PAK3: variants seen among roughly 807,000 people sequenced by gnomAD.
PAK3 encodes the protein p21 (RAC1) activated kinase 3.
A neutral mutation model predicts 41.0 loss-of-function variants in PAK3; 4 were observed. The observed-to-expected ratio is 0.10, with a 90% CI of 0.05 to 0.22. The LOEUF is 0.22. Ranked by LOEUF, PAK3 falls within the 10% of genes least tolerant of loss-of-function variation. The pLI is 1.00. For missense variants in PAK3, 205 were observed against 409.9 expected (o/e 0.50, Z 4.32); for synonymous variants, 146 against 139.6 (o/e 1.05, Z -0.32).
At chrX:111,090,016 A>G (rs2092917846) in intron 1 of PAK3, among the ~76,000 whole-genome samples, 1 of 110,586 alleles carries the variant, frequency 9.0e-6, no homozygotes, top group African/African-American at 3.3e-5. Flanking sequence ...TGTACCACAA[A>G]GACGCCACTG....
chrX:111,030,081 A>G (rs750363691), intron 1 of PAK3, among the ~76,000 whole-genome samples: 1 of 112,278 alleles, frequency 8.9e-6, no homozygotes, highest in African/African-American at 3.2e-5. Flanking sequence ...GAATGGTGCC[A>G]TGTATGGTCT....
chrX:111,227,073 G>A lies in PAK3; in HGVS notation c.*6626G>A, dbSNP rs1179436518. 1 of 112,213 alleles carries A rather than the reference G, an allele frequency of 8.9e-6. No individual in the cohort carries two copies. The highest frequency in any genetic ancestry group is 3.2e-5 in the African/African-American group (1 of 30,883). 9.2% of individuals were successfully genotyped at this position (112,213 alleles called of 1,213,427 possible). ...GTGTTATCTGTAAACCATGTGTAGTGAAATTCTTCTGTAACTTTGGATTAA... is the reference window on the plus strand; with the variant it reads ...GTGTTATCTGTAAACCATGTGTAGTAAAATTCTTCTGTAACTTTGGATTAA... On this transcript the variant is annotated 3_prime_UTR_variant, in exon 18 of 18. Coordinates refer to ENST00000372007, the MANE Select transcript of PAK3 (RefSeq NM_002578.5).
At chrX:111,192,292 G>A in intron 12 of PAK3, 117 bp downstream of exon 12, 1 of 568,676 alleles carries the variant, frequency 1.8e-6, no homozygotes, top group Non-Finnish European at 3.0e-6. Flanking sequence ...TGACATAGGT[G>A]TTTACTTCCT....
At chrX:111,157,921 G>C (rs1471325230) in intron 8 of PAK3, among the ~76,000 whole-genome samples, 1 of 112,078 alleles carries the variant, frequency 8.9e-6, no homozygotes, top group Non-Finnish European at 1.9e-5. Context: ...CTATATTTCT[G>C]TAAGTTTAGA....
At chrX:111,217,071 A>C in intron 17 of PAK3, 11 of 727,267 alleles carry the variant, frequency 1.5e-5, no homozygotes, top group Non-Finnish European at 1.8e-5. Context: ...CACGGCTCCC[A>C]GGGATTAGTA....
intron 5 of PAK3, among the ~76,000 whole-genome samples, chrX:111,141,242 T>G (rs2093867292): frequency 8.9e-6 from 1 of 111,979 alleles, no homozygotes; most frequent in Non-Finnish European, 1.9e-5. Flanking sequence ...CTTAGTTTAT[T>G]CAGTGATTAT....
At chrX:111,077,940 A>C (rs2092801030) in intron 1 of PAK3, among the ~76,000 whole-genome samples, 1 of 111,913 alleles carries the variant, frequency 8.9e-6, no homozygotes, top group Admixed American at 9.5e-5. Flanking sequence ...TGTATAAGAA[A>C]CTCAAACAAC....
At chrX:111,073,023 C>G (rs1359340331) in intron 1 of PAK3, among the ~76,000 whole-genome samples, 1 of 111,590 alleles carries the variant, frequency 9.0e-6, no homozygotes, top group East Asian at 2.8e-4. Flanking sequence ...TTAAGCCCCT[C>G]AGGGATGTGT....
At chrX:111,019,111 C>T (rs1325143194) in intron 1 of PAK3, among the ~76,000 whole-genome samples, 1 of 111,141 alleles carries the variant, frequency 9.0e-6, no homozygotes, top group African/African-American at 3.3e-5. Flanking sequence ...AGATAAAACA[C>T]CTAACCATAA....
chrX:110,962,907 C>T (rs2091008460), intron 1 of PAK3, among the ~76,000 whole-genome samples: 1 of 110,812 alleles, frequency 9.0e-6, no homozygotes, highest in Non-Finnish European at 1.9e-5. Flanking sequence ...GAACTTTATC[C>T]CCCCTAGATG....
chrX:110,960,522 T>C (rs2090957533), intron 1 of PAK3, among the ~76,000 whole-genome samples: 1 of 111,469 alleles, frequency 9.0e-6, no homozygotes, highest in African/African-American at 3.3e-5. Context: ...AAGTCTAGCT[T>C]AAGCTGAGTT....
intron 1 of PAK3, among the ~76,000 whole-genome samples, chrX:110,945,498 A>G (rs995118643): frequency 2.7e-5 from 3 of 111,687 alleles, no homozygotes; most frequent in Admixed American, 9.4e-5. Flanking sequence ...TGTTCTCCCA[A>G]AGATGCCCAA....
In PAK3 at chrX:111,160,608, C is replaced by G. The variant is rs866507036; in HGVS notation, c.469-2307C>G. Among the ~76,000 whole-genome samples the G allele has an allele frequency of 5.2e-3, 558 of 107,785 alleles. 5 individuals are homozygous for G. The highest frequency in any genetic ancestry group is 0.018 in the African/African-American group (522 of 29,536). The allele number at this position is 107,785 out of a possible 115,157, so 93.6% of individuals were successfully genotyped here. On this transcript the variant is annotated intron_variant, in intron 8 of 17. Transcript: ENST00000372007. The stretch of plus-strand genomic sequence containing the variant: ...ATTAGGTATATCACCTAATGCTATC[C>G]CTCCCCGCTCCCCCCACCCCACAAC...
At chrX:110,972,917 G>A (rs2091242593) in intron 1 of PAK3, among the ~76,000 whole-genome samples, 1 of 111,678 alleles carries the variant, frequency 9.0e-6, no homozygotes, top group African/African-American at 3.3e-5. Context: ...CGTGACGCAT[G>A]CACAAGCTTC....
In PAK3 at chrX:111,123,149, C is replaced by G; in HGVS notation, c.46C>G (p.Leu16Val). 1 of 1,205,701 alleles carries G rather than the reference C, an allele frequency of 8.3e-7. No homozygotes were observed. The highest frequency in any genetic ancestry group is 1.1e-6 in the Non-Finnish European group (1 of 889,888). ...DNEEKPPAPP[L>V]RMNSNNRDSS... ...TGAAGAGAAACCCCCGGCTCCTCCA[C>G]TGAGGATGAATAGTAACAACCGGGA... Residue 16 changes from leucine to valine, a missense_variant, in exon 5 of 18, where the codon CTG becomes GTG. By Grantham distance (32) the Leu-to-Val change is conservative. Around this residue, in one of 5 missense-constraint regions of PAK3, gnomAD observed 26 missense variants for 27.4 expected, o/e 0.95. Coordinates refer to ENST00000372007, the MANE Select transcript of PAK3 (RefSeq NM_002578.5).
intron 5 of PAK3, among the ~76,000 whole-genome samples, chrX:111,133,496 T>C (rs943737421): frequency 5.3e-5 from 6 of 112,207 alleles, no homozygotes; most frequent in African/African-American, 1.9e-4. Flanking sequence ...TAAGGTTATT[T>C]CCCCAGTTAG....
At chrX:110,994,146 G>A (rs183435732) in intron 1 of PAK3, among the ~76,000 whole-genome samples, 54 of 112,183 alleles carry the variant, frequency 4.8e-4, no homozygotes, top group Non-Finnish European at 7.1e-4. Context: ...ATTACATGTT[G>A]AATTGTCTTT....
intron 1 of PAK3, among the ~76,000 whole-genome samples, chrX:111,060,281 A>C (rs1262498301): frequency 8.9e-6 from 1 of 111,854 alleles, no homozygotes; most frequent in African/African-American, 3.2e-5. Context: ...AATTAATGCC[A>C]CTTGGTCATG....
intron 8 of PAK3, among the ~76,000 whole-genome samples, chrX:111,161,313 G>A (rs1464940350): frequency 9.0e-6 from 1 of 111,367 alleles, no homozygotes; most frequent in African/African-American, 3.3e-5. Flanking sequence ...TGATGGGGTT[G>A]TTTGTTTTTT....
Sources: gnomAD v4.1 joint callset for allele counts (sites outside exome capture counted in the v4.1 genomes callset) on GRCh38, gnomAD v4.1.1 for gene constraint, gnomAD v4.1.1 regional missense constraint, MANE v1.5 for transcripts, NCBI Gene and HGNC (gene_info 2026-07-23, HGNC 2026-07-21) for gene names.